GSTK1: variants seen among roughly 807,000 people sequenced by gnomAD.
The protein encoded by GSTK1 is GST class-kappa.
GSTK1 carries 25 observed loss-of-function variants against 30.9 expected under a neutral mutation model. The observed-to-expected ratio is 0.81, with a 90% CI of 0.59 to 1.13. The LOEUF (loss-of-function observed/expected upper bound fraction) is 1.13, where lower values mean the gene tolerates loss of function less well. Among genes scored for constraint, GSTK1 ranks in the 50% most tolerant of loss-of-function variants. The pLI is 0.00. For missense variants in GSTK1, 292 were observed against 292.4 expected (o/e 1.00, Z 0.01); for synonymous variants, 108 against 112.5 (o/e 0.96, Z 0.25).
chr7:143,263,817 A>G lies in GSTK1; in HGVS notation c.72+232A>G, dbSNP rs1800786747. The G allele has an allele frequency of 6.6e-6, 4 of 602,748 alleles. No homozygotes were observed. The South Asian group carries it at 8.1e-5, about 12-fold the overall frequency. 37.3% of individuals were successfully genotyped at this position (602,748 alleles called of 1,614,324 possible). A position where few individuals can be genotyped will look rare whatever the true frequency, so the allele number is the denominator to read the frequency against. ...GACTGCAGTTTCCCACGGTGGTGGA[A>G]AGAGGGGCGGCTCCAAACATTCAGG... On this transcript the variant is annotated intron_variant, in intron 1 of 7. Coordinates refer to ENST00000358406, the MANE Select transcript of GSTK1 (RefSeq NM_015917.3).
In GSTK1 at chr7:143,264,679, GAA is replaced by G. The variant is rs754910067; in HGVS notation, c.283+4_283+5del. The G allele has an allele frequency of 5.3e-5, 86 of 1,613,888 alleles. No individual in the cohort carries two copies. The East Asian group carries it at 1.8e-3, about 34-fold the overall frequency. On this transcript the variant is annotated splice_donor_5th_base_variant and intron_variant, in intron 3 of 7. Transcript: ENST00000358406. ...CTTGTCTGTGATGCTTGAAAAAGGTGAAGAGAGTGGGATGTAGACAGGGTATC... is the reference window on the plus strand; with the variant it reads ...CTTGTCTGTGATGCTTGAAAAAGGTGGAGAGTGGGATGTAGACAGGGTATC...
chr7:143,267,870 ATCT>A (rs201647893), intron 6 of GSTK1, 137 bp downstream of exon 6: 20,820 of 711,734 alleles, frequency 0.029, 391 homozygotes, highest in Middle Eastern at 0.077. Context: ...AACAACCCTC[ATCT>A]TCTTCCTTCT....
In GSTK1 at chr7:143,264,608, TC is replaced by T; in HGVS notation, c.217del (p.Leu73Ter). 2 of 1,614,018 alleles carry T rather than the reference TC, an allele frequency of 1.2e-6. No homozygotes were observed. Among genetic ancestry groups the T allele is most frequent in the African/African-American group, 2.7e-5 (2 of 75,038 alleles). On this transcript the variant is annotated frameshift_variant, in exon 3 of 8. Transcript: ENST00000358406. LOFTEE classifies it high-confidence loss of function. ...KGLYMANDLK[L>X]LRHHLQIPIH... ...CTATACATGGCAAATGACTTAAAGC[TC>T]CTGAGACACCATCTCCAGATTCCCA...
intron 5 of GSTK1, among the ~76,000 whole-genome samples, 192 bp downstream of exon 5, chr7:143,265,488 A>G (rs1800848519): frequency 1.3e-5 from 2 of 152,192 alleles, no homozygotes; most frequent in Admixed American, 6.6e-5. Context: ...GGATATCTCA[A>G]GGTTGAAAGG....
intron 3 of GSTK1, 148 bp downstream of exon 3, chr7:143,264,824 G>C: frequency 7.6e-7 from 1 of 1,318,446 alleles, no homozygotes; most frequent in South Asian, 1.3e-5. Context: ...GCGAGCTGAA[G>C]GTTGCCGGGC....
rs1287208840 is a variant in GSTK1 at position 143,267,749 on chromosome 7, T to A, written c.537+16T>A. On this transcript the variant is annotated intron_variant, in intron 6 of 7. Coordinates refer to ENST00000358406, the MANE Select transcript of GSTK1 (RefSeq NM_015917.3). ...CAGATACGGAGTGAGCAGCTCTTTA[T>A]GTGTGTTCCCAGCACCCATCCTGAA... is the stretch of plus-strand genomic sequence containing the variant. The A allele has an allele frequency of 6.5e-7, 1 of 1,535,794 alleles. No individual in the cohort carries two copies. The highest frequency in any genetic ancestry group is 1.1e-5 in the South Asian group (1 of 89,542).
Position 143,263,552 on chromosome 7 carries a change from C to T in GSTK1, c.39C>T (p.Asp13=), listed in dbSNP as rs765982467. 3.1e-6 allele frequency: 5 copies of T among 1,610,536 alleles called. No individual in the cohort carries two copies. The highest frequency in any genetic ancestry group is 2.7e-5 in the African/African-American group (2 of 74,942). The part of the protein sequence containing the change: ...PLPRTVELFY[D]VLSPYSWLGF... ...CGCGCACCGTGGAGCTCTTCTATGA[C>T]GTGCTGTCCCCCTACTCCTGGCTGG... The change falls in exon 1 of 8, where the codon GAC becomes GAT. Residue 13 remains aspartate (D), a synonymous_variant. Transcript: ENST00000358406.
At chr7:143,263,608 C>A (rs375408048) in intron 1 of GSTK1, 23 bp downstream of exon 1, 68 of 1,601,300 alleles carry the variant, frequency 4.2e-5, no homozygotes, top group Non-Finnish European at 5.7e-5. Context: ...GGGGTCGCCT[C>A]GGCAGTGTCT....
In GSTK1 at chr7:143,264,150, G is replaced by A. The variant is rs1429092958; in HGVS notation, c.137G>A (p.Gly46Glu). ...NLQLRPSLIT[G>E]IMKDSGNKPP... ...CAGTTGCGGCCCAGCCTCATAACAGGGATCATGAAAGACAGTGGTAGGAAG... is the reference window on the plus strand; with the variant it reads ...CAGTTGCGGCCCAGCCTCATAACAGAGATCATGAAAGACAGTGGTAGGAAG... The change falls in exon 2 of 8, where the codon GGG (glycine) becomes GAG (glutamate). Residue 46 changes from glycine (G) to glutamate (E), a missense_variant. Gly to Glu is a moderately conservative substitution (Grantham distance 98, BLOSUM62 -2). Coordinates refer to ENST00000358406, the MANE Select transcript of GSTK1 (RefSeq NM_015917.3). 1 of 1,613,968 alleles carries A rather than the reference G, an allele frequency of 6.2e-7. No individual in the cohort carries two copies. The highest frequency in any genetic ancestry group is 1.1e-5 in the South Asian group (1 of 91,066).
At position 143,264,166 on chromosome 7, in the gene GSTK1, TG is replaced by T. The variant is rs1312309974; in HGVS notation, c.154+1del. ...SLITGIMKDS[G>X]NKPPGLLPRK... Reference sequence around the variant, plus strand: ...TCATAACAGGGATCATGAAAGACAGTGGTAGGAAGGGAGGGTCGGGGCAGGG... The same window carrying T: ...TCATAACAGGGATCATGAAAGACAGTGTAGGAAGGGAGGGTCGGGGCAGGG... On this transcript the variant is annotated frameshift_variant and splice_region_variant, in exon 2 of 8. Coordinates refer to ENST00000358406, the MANE Select transcript of GSTK1 (RefSeq NM_015917.3). LOFTEE classifies it high-confidence loss of function. 1 of 1,613,152 alleles carries T rather than the reference TG, an allele frequency of 6.2e-7. No homozygotes were observed. The highest frequency in any genetic ancestry group is 8.5e-7 in the Non-Finnish European group (1 of 1,179,278).
intron 5 of GSTK1, 123 bp from the exon 6 acceptor site, chr7:143,267,494 T>TG (rs1800915624): frequency 2.8e-6 from 2 of 715,110 alleles, no homozygotes; most frequent in African/African-American, 3.5e-5. Flanking sequence ...TCTCCACTTG[T>TG]GGGTGGGTAA....
chr7:143,263,487 T>A lies in GSTK1; in HGVS notation c.-27T>A. On this transcript the variant is annotated 5_prime_UTR_variant, in exon 1 of 8. Coordinates refer to ENST00000358406, the MANE Select transcript of GSTK1 (RefSeq NM_015917.3). ...GGGTTCCGGGAAAAGGAGCTCCTGC[T>A]GCCACTGCTCTTCCGGAGCCTGCAG... is the stretch of plus-strand genomic sequence containing the variant. 6.2e-7 allele frequency: 1 copy of A among 1,603,912 alleles called. No homozygotes were observed. Among genetic ancestry groups the A allele is most frequent in the Non-Finnish European group, 8.5e-7 (1 of 1,176,376 alleles).
Position 143,268,292 on chromosome 7 carries a change from A to C in GSTK1, c.631+108A>C. 3 of 773,882 alleles carry C rather than the reference A, an allele frequency of 3.9e-6. No individual in the cohort carries two copies. The highest frequency in any genetic ancestry group is 6.4e-6 in the Non-Finnish European group (3 of 469,526). The allele number at this position is 773,882 out of a possible 1,614,324, so 47.9% of individuals were successfully genotyped here. ...CAGAGCACGAGTTCAGGAGATTAAG[A>C]CCATCCTGGCCAACATGGTGAAACC... On this transcript the variant is annotated intron_variant, in intron 7 of 7. Transcript: ENST00000358406. This position sits in a 1 kb window ranked among gnomAD's most constrained non-coding sequence, Gnocchi z 4.1.
In GSTK1 at chr7:143,267,643, A is replaced by G. The variant is rs750893755; in HGVS notation, c.447A>G (p.Ala149=). The change falls in exon 6 of 8, where the codon GCA becomes GCG. Residue 149 remains alanine (A), a synonymous_variant. Transcript: ENST00000358406. ...CTGCAGAGAAGGCTGGTATGTCTGC[A>G]GAACAAGCCCAGGGACTTCTGGAAA... is the stretch of plus-strand genomic sequence containing the variant. ...LAAAEKAGMS[A]EQAQGLLEKI... The G allele has an allele frequency of 6.2e-7, 1 of 1,614,152 alleles. No homozygotes were observed. The highest frequency in any genetic ancestry group is 8.5e-7 in the Non-Finnish European group (1 of 1,179,968).
chr7:143,264,591 G>A lies in GSTK1; in HGVS notation c.198G>A (p.Met66Ile), dbSNP rs1800816289. 2 of 1,613,918 alleles carry A rather than the reference G, an allele frequency of 1.2e-6. No homozygotes were observed. Among genetic ancestry groups the A allele is most frequent in the Non-Finnish European group, 1.7e-6 (2 of 1,179,940 alleles). The change falls in exon 3 of 8, where the codon ATG becomes ATA. Residue 66 changes from methionine to isoleucine, a missense_variant. Transcript: ENST00000358406. Reference protein sequence around the residue: ...PGLLPRKGLYMANDLKLLRHH... With the variant: ...PGLLPRKGLYIANDLKLLRHH... Reference sequence around the variant, plus strand: ...TGCTTCCCCGCAAAGGACTATACATGGCAAATGACTTAAAGCTCCTGAGAC... The same window carrying A: ...TGCTTCCCCGCAAAGGACTATACATAGCAAATGACTTAAAGCTCCTGAGAC...
intron 5 of GSTK1, 32 bp downstream of exon 5, chr7:143,265,328 C>CA (rs1563048024): frequency 6.4e-7 from 1 of 1,555,498 alleles, no homozygotes; most frequent in South Asian, 1.2e-5. Flanking sequence ...CAACTGCACT[C>CA]ATAGAGAATC....
Position 143,264,157 on chromosome 7 carries a change from GA to G in GSTK1, c.147del (p.Asp50ThrfsTer21). ...LRPSLITGIM[K>X]DSGNKPPGLL... ...GGCCCAGCCTCATAACAGGGATCAT[GA>G]AAGACAGTGGTAGGAAGGGAGGGTC... is the stretch of plus-strand genomic sequence containing the variant. On this transcript the variant is annotated frameshift_variant, in exon 2 of 8. Transcript: ENST00000358406. LOFTEE classifies it high-confidence loss of function. 6.2e-7 allele frequency: 1 copy of G among 1,613,820 alleles called. No homozygotes were observed. The highest frequency in any genetic ancestry group is 8.5e-7 in the Non-Finnish European group (1 of 1,179,754).
Position 143,269,006 on chromosome 7 carries a change from G to A in GSTK1, c.*169G>A, listed in dbSNP as rs796096210. ...CTACCCCCAAGGATGCCAGGAAGAC[G>A]TCCACCATTAGCCATGTGGCAACCT... On this transcript the variant is annotated 3_prime_UTR_variant, in exon 8 of 8. Coordinates refer to ENST00000358406, the MANE Select transcript of GSTK1 (RefSeq NM_015917.3). 8.8e-5 allele frequency: 58 copies of A among 660,552 alleles called. No individual in the cohort carries two copies. Among genetic ancestry groups the A allele is most frequent in the African/African-American group, 7.0e-4 (39 of 56,004 alleles). The allele number at this position is 660,552 out of a possible 1,614,324, so 40.9% of individuals were successfully genotyped here. A position where few individuals can be genotyped will look rare whatever the true frequency, so the allele number is the denominator to read the frequency against.
chr7:143,267,595 A>G (rs2116704522), intron 5 of GSTK1, 22 bp from the exon 6 acceptor site: 1 of 1,530,682 alleles, frequency 6.5e-7, no homozygotes, highest in East Asian at 2.2e-5. Context: ...ACACAGTTGT[A>G]TTCCCTACTA....
Sources: gnomAD v4.1 joint callset for allele counts (sites outside exome capture counted in the v4.1 genomes callset) on GRCh38, gnomAD v4.1.1 for gene constraint, Gnocchi (gnomAD v3.1) non-coding constraint, MANE v1.5 for transcripts, NCBI Gene and HGNC (gene_info 2026-07-23, HGNC 2026-07-21) for gene names.